The following DSCAML1 variants were observed in gnomAD, a reference collection of about 807,000 sequenced individuals.
DSCAML1 encodes cell adhesion molecule DSCAML1.
A neutral mutation model predicts 200.5 loss-of-function variants in DSCAML1; 38 were observed. That is an observed-to-expected ratio of 0.19 (90% CI 0.15 to 0.25). The LOEUF (loss-of-function observed/expected upper bound fraction) is 0.25, where lower values mean the gene tolerates loss of function less well. Among genes scored for constraint, DSCAML1 ranks in the 10% least tolerant of loss-of-function variants. DSCAML1 has a pLI of 1.00. For missense variants in DSCAML1, 2,223 were observed against 2,858.8 expected, an observed-to-expected ratio of 0.78 and a Z score of 5.07; for synonymous variants, 1,215 against 1,165.0, an observed-to-expected ratio of 1.04 and a Z score of -0.87.
At chr11:117,522,742 T>C (rs776974127) in intron 5 of DSCAML1, among the ~76,000 whole-genome samples, 2 of 152,172 alleles carry the variant, frequency 1.3e-5, no homozygotes, top group African/African-American at 2.4e-5. Context: ...CTAGCCACCG[T>C]CTCCTCACTG....
At chr11:117,733,283 C>T (rs1482965292) in intron 3 of DSCAML1, among the ~76,000 whole-genome samples, 1 of 152,166 alleles carries the variant, frequency 6.6e-6, no homozygotes, top group Non-Finnish European at 1.5e-5. Context: ...GTAGTAGCCT[C>T]CCTACAAATC....
At chr11:117,665,997 T>C (rs898522178) in intron 3 of DSCAML1, among the ~76,000 whole-genome samples, 7 of 152,124 alleles carry the variant, frequency 4.6e-5, no homozygotes, top group African/African-American at 1.4e-4. Flanking sequence ...TGCGTGAGGA[T>C]TGAGGAAGGA....
intron 3 of DSCAML1, among the ~76,000 whole-genome samples, chr11:117,660,499 G>T (rs537667642): frequency 6.6e-6 from 1 of 152,306 alleles, no homozygotes; most frequent in East Asian, 1.9e-4. Context: ...TTGGTAGGCA[G>T]CAAGGGCAAA....
upstream of DSCAML1, among the ~76,000 whole-genome samples, chr11:117,799,156 C>T (rs1236710116): frequency 1.3e-5 from 2 of 152,230 alleles, no homozygotes; most frequent in Non-Finnish European, 2.9e-5. Flanking sequence ...TCACCGCCCT[C>T]AGCCTGCTGG....
chr11:117,610,904 C>T (rs1279228214), intron 3 of DSCAML1, among the ~76,000 whole-genome samples: 1 of 149,274 alleles, frequency 6.7e-6, no homozygotes, highest in African/African-American at 2.5e-5. Context: ...TACTTCCATC[C>T]CTGTAGGGTA....
intron 3 of DSCAML1, among the ~76,000 whole-genome samples, chr11:117,595,404 C>CT (rs1565814827): frequency 6.6e-6 from 1 of 152,104 alleles, no homozygotes; most frequent in African/African-American, 2.4e-5. Flanking sequence ...TCCTTTTAGT[C>CT]TTTTTTTGGA....
chr11:117,688,437 A>G (rs2053442182), intron 3 of DSCAML1, among the ~76,000 whole-genome samples: 1 of 152,186 alleles, frequency 6.6e-6, no homozygotes, highest in Non-Finnish European at 1.5e-5. Context: ...GATAGGGGAG[A>G]GAAGCAGCCT....
intron 3 of DSCAML1, among the ~76,000 whole-genome samples, chr11:117,746,015 A>C (rs1417856005): frequency 1.3e-5 from 2 of 151,620 alleles, no homozygotes; most frequent in Non-Finnish European, 2.9e-5. Flanking sequence ...GAGATCGAGA[A>C]CACCCTGGAT....
chr11:117,433,114 G>T, intron 29 of DSCAML1, 24 bp downstream of exon 29: 1 of 1,593,464 alleles, frequency 6.3e-7, no homozygotes, highest in South Asian at 1.1e-5. Flanking sequence ...GCAGGACAGG[G>T]AACTTGTGGC....
At chr11:117,457,192 G>A (rs753922405) in intron 19 of DSCAML1, among the ~76,000 whole-genome samples, 4 of 152,224 alleles carry the variant, frequency 2.6e-5, no homozygotes, top group Admixed American at 6.5e-5. Flanking sequence ...TCCATGCTGC[G>A]GCGCCGCCTC....
chr11:117,741,780 T>C (rs988664404), intron 3 of DSCAML1, among the ~76,000 whole-genome samples: 2 of 152,178 alleles, frequency 1.3e-5, no homozygotes, highest in Non-Finnish European at 2.9e-5. Context: ...TGCCACTGCA[T>C]CCCTCAGCAT....
At chr11:117,808,555 C>T (rs959574549) in intron 1 of DSCAML1, among the ~76,000 whole-genome samples, 1 of 152,158 alleles carries the variant, frequency 6.6e-6, no homozygotes, top group African/African-American at 2.4e-5. Flanking sequence ...AATCCGGGAT[C>T]TGTATTTTCT....
intron 3 of DSCAML1, among the ~76,000 whole-genome samples, chr11:117,638,315 A>AGTGT (rs59327038): frequency 0.045 from 6,094 of 135,106 alleles, 174 homozygotes; most frequent in South Asian, 0.12. Context: ...CAAGATAGCA[A>AGTGT]GTGTGTGTGT....
intron 3 of DSCAML1, among the ~76,000 whole-genome samples, chr11:117,547,476 GCCCTACA>G (rs146511761): frequency 0.24 from 36,694 of 151,786 alleles, 4,590 homozygotes; most frequent in Middle Eastern, 0.28. Context: ...CTGAAGGACC[GCCCTACA>G]CCCTACACCG....
At chr11:117,807,467 A>C (rs1257087345) in intron 1 of DSCAML1, among the ~76,000 whole-genome samples, 1 of 152,196 alleles carries the variant, frequency 6.6e-6, no homozygotes, top group Non-Finnish European at 1.5e-5. Context: ...AGAAGGGATG[A>C]GATGGAGCCA....
chr11:117,717,624 C>T (rs2053974197), intron 3 of DSCAML1, among the ~76,000 whole-genome samples: 1 of 152,226 alleles, frequency 6.6e-6, no homozygotes, highest in South Asian at 2.1e-4. Flanking sequence ...CTTCCTGGCG[C>T]CATGCCGTGT....
intron 3 of DSCAML1, among the ~76,000 whole-genome samples, chr11:117,571,685 T>C (rs532680522): frequency 1.3e-5 from 2 of 151,594 alleles, no homozygotes; most frequent in Admixed American, 1.3e-4. Context: ...CCTACAGGTG[T>C]TCTCCTTTCA....
At chr11:117,641,622 C>T (rs938353180) in intron 3 of DSCAML1, among the ~76,000 whole-genome samples, 6 of 152,056 alleles carry the variant, frequency 3.9e-5, no homozygotes, top group Non-Finnish European at 7.4e-5. Flanking sequence ...TAGATCAGAA[C>T]CTTCTTAACC....
At chr11:117,573,952 C>T (rs909927725) in intron 3 of DSCAML1, among the ~76,000 whole-genome samples, 9 of 152,206 alleles carry the variant, frequency 5.9e-5, no homozygotes, top group African/African-American at 9.6e-5. Context: ...AGGATGTTCA[C>T]GAGGCCAAGG....
Sources: gnomAD v4.1 joint callset for allele counts (sites outside exome capture counted in the v4.1 genomes callset) on GRCh38, gnomAD v4.1.1 for gene constraint, MANE v1.5 for transcripts, NCBI Gene and HGNC (gene_info 2026-07-23, HGNC 2026-07-21) for gene names.